MASP1: variants seen among roughly 807,000 people sequenced by gnomAD.
MASP1 encodes the protein MBL associated serine protease 1.
A neutral mutation model predicts 77.1 loss-of-function variants in MASP1; 59 were observed. The ratio of observed to expected loss-of-function variants is 0.77; its 90% CI spans 0.62 to 0.95. MASP1 has a LOEUF of 0.95. MASP1 is among the 40% of genes least tolerant of loss of function. The pLI is 0.00. For synonymous variants in MASP1, 362 were observed against 354.5 expected, an observed-to-expected ratio of 1.02 and a Z score of -0.24; for missense variants, 885 against 912.9, an observed-to-expected ratio of 0.97 and a Z score of 0.39.
downstream of MASP1, among the ~76,000 whole-genome samples, chr3:187,231,619 G>A (rs1355354721): frequency 6.6e-6 from 1 of 152,172 alleles, no homozygotes; most frequent in Non-Finnish European, 1.5e-5. Context: ...ACTATTTTTT[G>A]AATCTTATCA....
intron 2 of MASP1, among the ~76,000 whole-genome samples, chr3:187,268,623 A>G (rs1438389760): frequency 6.6e-6 from 1 of 152,242 alleles, no homozygotes; most frequent in Non-Finnish European, 1.5e-5. Flanking sequence ...GGAGATCTCT[A>G]GACAGAATGT....
chr3:187,278,999 A>G (rs1717193527), intron 2 of MASP1, among the ~76,000 whole-genome samples: 2 of 149,670 alleles, frequency 1.3e-5, no homozygotes, highest in African/African-American at 4.9e-5. Flanking sequence ...GCCACATCAC[A>G]GCTTCTAATT....
chr3:187,221,883 C>G (rs1346300341), intron 14 of MASP1, among the ~76,000 whole-genome samples: 1 of 152,086 alleles, frequency 6.6e-6, no homozygotes, highest in African/African-American at 2.4e-5. Context: ...CTATTATTGC[C>G]CTTGATCCAG....
intron 9 of MASP1, chr3:187,243,101 T>A (rs1020395082): frequency 5.0e-5 from 16 of 319,470 alleles, no homozygotes; most frequent in African/African-American, 2.8e-4. Flanking sequence ...AAACCCCAAC[T>A]CAGCCTCAGA....
chr3:187,260,254 T>C (rs930659350), intron 4 of MASP1, among the ~76,000 whole-genome samples: 1 of 152,152 alleles, frequency 6.6e-6, no homozygotes, highest in African/African-American at 2.4e-5. Flanking sequence ...CAAAGATAGA[T>C]AGAAGGAATG....
At chr3:187,284,173 T>C (rs1241748888) in intron 2 of MASP1, among the ~76,000 whole-genome samples, 2 of 152,248 alleles carry the variant, frequency 1.3e-5, no homozygotes, top group African/African-American at 2.4e-5. Context: ...ATCACTGTTT[T>C]CTATCTTGTG....
intron 2 of MASP1, among the ~76,000 whole-genome samples, chr3:187,281,342 G>A (rs1717393546): frequency 6.6e-6 from 1 of 152,240 alleles, no homozygotes; most frequent in Middle Eastern, 3.2e-3. Flanking sequence ...ATGGGCCTGG[G>A]TGGGAAGGGC....
chr3:187,235,420 C>T lies in MASP1; in HGVS notation c.*264G>A. 1.3e-5 allele frequency: 20 copies of T among 1,488,446 alleles called. No individual in the cohort carries two copies. Among genetic ancestry groups the T allele is most frequent in the Non-Finnish European group, 1.5e-5 (17 of 1,118,090 alleles). The allele number at this position is 1,488,446 out of a possible 1,614,324, so 92.2% of individuals were successfully genotyped here. Reference sequence around the variant, plus strand: ...GATTGGCACAGAGGCCTTGGTTGAGCTCCTGCATTGTATTACTCGGTAGAG... The same window carrying T: ...GATTGGCACAGAGGCCTTGGTTGAGTTCCTGCATTGTATTACTCGGTAGAG... On this transcript the variant is annotated 3_prime_UTR_variant, in exon 11 of 11. Transcript: ENST00000296280.
chr3:187,231,426 C>G (rs1243108717), downstream of MASP1, among the ~76,000 whole-genome samples: 1 of 152,240 alleles, frequency 6.6e-6, no homozygotes, highest in Non-Finnish European at 1.5e-5. Flanking sequence ...AGTTGACACT[C>G]CTTTCCCACA....
intron 1 of MASP1, among the ~76,000 whole-genome samples, chr3:187,288,762 C>T (rs1383154001): frequency 1.3e-5 from 2 of 152,200 alleles, no homozygotes; most frequent in Non-Finnish European, 2.9e-5. Context: ...CGAGGAGACA[C>T]TGAGCCTCCT....
chr3:187,276,970 A>C (rs1717015763), intron 2 of MASP1: 1 of 152,254 alleles, frequency 6.6e-6, no homozygotes, highest in East Asian at 1.9e-4. Context: ...TTAGGAGCTT[A>C]GGGGTCAGAA....
intron 8 of MASP1, 112 bp downstream of exon 8, chr3:187,250,139 C>G: frequency 3.5e-6 from 3 of 852,804 alleles, no homozygotes; most frequent in Non-Finnish European, 4.1e-6. Context: ...AATTCCTGCT[C>G]CCATCCCCCT....
At chr3:187,227,417 G>A (rs903135946) in intron 11 of MASP1, among the ~76,000 whole-genome samples, 3 of 152,104 alleles carry the variant, frequency 2.0e-5, no homozygotes, top group African/African-American at 7.2e-5. Flanking sequence ...TTTAATGCAG[G>A]GTCAGGCTTC....
intron 2 of MASP1, among the ~76,000 whole-genome samples, chr3:187,279,356 G>T (rs146856561): frequency 6.6e-6 from 1 of 152,330 alleles, no homozygotes; most frequent in East Asian, 1.9e-4. Context: ...GATTGTTGAA[G>T]GCAGGAAGCT....
chr3:187,254,992 C>T (rs1714951333), intron 5 of MASP1, among the ~76,000 whole-genome samples: 1 of 152,084 alleles, frequency 6.6e-6, no homozygotes, highest in African/African-American at 2.4e-5. Flanking sequence ...TCTGGGACAC[C>T]ATGGCAGGCA....
chr3:187,253,704 C>A (rs138461612), intron 5 of MASP1, among the ~76,000 whole-genome samples: 2 of 152,090 alleles, frequency 1.3e-5, no homozygotes, highest in African/African-American at 4.8e-5. Context: ...TGGATGAAGA[C>A]GGAAGTCATC....
At chr3:187,246,306 T>G in intron 8 of MASP1, 1 of 859,178 alleles carries the variant, frequency 1.2e-6, no homozygotes, top group Non-Finnish European at 1.4e-6. Context: ...CAAATCTTCC[T>G]CTTAAATTCT....
intron 4 of MASP1, among the ~76,000 whole-genome samples, chr3:187,258,283 G>C (rs941830845): frequency 6.6e-6 from 1 of 152,170 alleles, no homozygotes; most frequent in African/African-American, 2.4e-5. Context: ...TTTGATAAGA[G>C]ACTTCTGACC....
exon 16 of MASP1, chr3:187,219,671 T>TTAAAAA: frequency 3.7e-6 from 1 of 271,848 alleles, no homozygotes; most frequent in South Asian, 4.3e-5. Flanking sequence ...GACCTTCTGC[T>TTAAAAA]AAGGTGCATT....
Sources: allele counts gnomAD v4.1 joint callset (sites outside exome capture counted in the v4.1 genomes callset), GRCh38; gene constraint gnomAD v4.1.1; transcripts MANE v1.5; gene names NCBI Gene and HGNC (gene_info 2026-07-23, HGNC 2026-07-21).